TRDN: variants seen among roughly 807,000 people sequenced by gnomAD.
The protein encoded by TRDN is triadin in skeletal muscle.
In TRDN, 161 loss-of-function variants were observed where a neutral mutation model predicts 149.7. That is an observed-to-expected ratio of 1.08 (90% CI 0.95 to 1.23). The LOEUF is 1.23. TRDN is among the 50% of genes most tolerant of loss of function. The pLI is 0.00. For synonymous variants in TRDN, 294 were observed against 250.5 expected, an observed-to-expected ratio of 1.17 and a Z score of -1.64; for missense variants, 896 against 823.5, an observed-to-expected ratio of 1.09 and a Z score of -1.08.
chr6:123,240,588 A>AT (rs1366321276), intron 38 of TRDN, among the ~76,000 whole-genome samples: 4 of 151,848 alleles, frequency 2.6e-5, no homozygotes, highest in African/African-American at 9.7e-5. Flanking sequence ...AATTCAGTTT[A>AT]TTTTTTGGAA....
intron 4 of TRDN, among the ~76,000 whole-genome samples, chr6:123,533,603 G>C (rs904129572): frequency 6.6e-6 from 1 of 152,044 alleles, no homozygotes; most frequent in Admixed American, 6.6e-5. Context: ...GCTCCTCTTA[G>C]CTCTTGTGTA....
At chr6:123,332,211 T>G (rs1251258648) in intron 22 of TRDN, among the ~76,000 whole-genome samples, 1 of 152,044 alleles carries the variant, frequency 6.6e-6, no homozygotes, top group Admixed American at 6.6e-5. Flanking sequence ...AGGACCTTAT[T>G]TATGTGTAAT....
At chr6:123,502,742 A>G (rs1778751623) in intron 8 of TRDN, 1 of 984,552 alleles carries the variant, frequency 1.0e-6, no homozygotes, top group Non-Finnish European at 1.2e-6. Flanking sequence ...ATTCTTTGAT[A>G]CAGTCCTTAG....
chr6:123,445,010 G>A (rs1268061362), intron 10 of TRDN: 2 of 152,014 alleles, frequency 1.3e-5, no homozygotes, highest in East Asian at 3.9e-4. Context: ...GCCAGGCTTT[G>A]GTATCAGAAT....
intron 1 of TRDN, among the ~76,000 whole-genome samples, chr6:123,585,563 C>T (rs1022093074): frequency 1.4e-4 from 22 of 152,292 alleles, no homozygotes; most frequent in Non-Finnish European, 2.6e-4. Context: ...TCTTCAGCCG[C>T]TAAGCCAAGA....
chr6:123,255,925 G>T, intron 35 of TRDN, 23 bp from the exon 36 acceptor site: 1 of 1,235,386 alleles, frequency 8.1e-7, no homozygotes, highest in Admixed American at 4.0e-5. Flanking sequence ...AACAGTAACA[G>T]GGTAATTTAT....
chr6:123,404,504 A>G (rs1773114092), intron 12 of TRDN, among the ~76,000 whole-genome samples: 1 of 152,120 alleles, frequency 6.6e-6, no homozygotes, highest in East Asian at 1.9e-4. Context: ...GCGGGAGTGC[A>G]GTGATGAGAT....
intron 1 of TRDN, among the ~76,000 whole-genome samples, chr6:123,587,825 T>C (rs537078050): frequency 2.0e-5 from 3 of 152,020 alleles, no homozygotes; most frequent in African/African-American, 7.2e-5. Flanking sequence ...GGGGAGCTTT[T>C]GAGCCAGGAT....
At chr6:123,477,255 G>T in intron 9 of TRDN, among the ~76,000 whole-genome samples, 1 of 127,224 alleles carries the variant, frequency 7.9e-6, no homozygotes, top group Non-Finnish European at 1.7e-5. Context: ...CAAAGGACAT[G>T]AACAGACACT....
chr6:123,587,614 C>T (rs556761093), intron 1 of TRDN, among the ~76,000 whole-genome samples: 42 of 151,978 alleles, frequency 2.8e-4, no homozygotes, highest in Non-Finnish European at 3.8e-4. Context: ...ATTTCATGTG[C>T]GTCCGTGTGA....
intron 10 of TRDN, among the ~76,000 whole-genome samples, chr6:123,459,938 C>T (rs963037704): frequency 5.9e-5 from 9 of 152,138 alleles, no homozygotes; most frequent in African/African-American, 1.9e-4. Flanking sequence ...AAATCATATT[C>T]ACTACTTGTA....
intron 38 of TRDN, among the ~76,000 whole-genome samples, chr6:123,244,367 G>T (rs998248502): frequency 6.6e-6 from 1 of 152,230 alleles, no homozygotes; most frequent in East Asian, 1.9e-4. Flanking sequence ...TACAGGAGCT[G>T]CTAACTAGAA....
At chr6:123,598,365 A>C (rs895068714) in intron 1 of TRDN, among the ~76,000 whole-genome samples, 9 of 152,204 alleles carry the variant, frequency 5.9e-5, no homozygotes, top group Middle Eastern at 3.4e-3. Context: ...TATATTTTCC[A>C]CTTCCATATT....
At chr6:123,307,032 T>G (rs1778636360) in intron 24 of TRDN, among the ~76,000 whole-genome samples, 2 of 152,070 alleles carry the variant, frequency 1.3e-5, no homozygotes, top group African/African-American at 2.4e-5. Context: ...TGATTTAGCT[T>G]TGCTAAAGAG....
At chr6:123,574,486 G>T (rs1439662166) in intron 1 of TRDN, among the ~76,000 whole-genome samples, 1 of 151,872 alleles carries the variant, frequency 6.6e-6, no homozygotes, top group Non-Finnish European at 1.5e-5. Flanking sequence ...GCTTTGAAAT[G>T]CAATTTAAGA....
chr6:123,443,267 T>G (rs1199589473), intron 10 of TRDN, among the ~76,000 whole-genome samples: 2 of 148,280 alleles, frequency 1.3e-5, no homozygotes, highest in African/African-American at 2.5e-5. Flanking sequence ...CAAGTGATGA[T>G]AAAGATTAGG....
chr6:123,601,640 G>C (rs538487119), intron 1 of TRDN, among the ~76,000 whole-genome samples: 2 of 152,240 alleles, frequency 1.3e-5, no homozygotes, highest in South Asian at 4.1e-4. Flanking sequence ...GAGAGAACAT[G>C]TCAGATTTGC....
chr6:123,260,201 C>T (rs1246801635), intron 34 of TRDN, among the ~76,000 whole-genome samples: 2 of 151,992 alleles, frequency 1.3e-5, no homozygotes, highest in African/African-American at 4.8e-5. Context: ...CTACATGTTA[C>T]ATTTTTACCT....
chr6:123,499,719 A>AAAAAAAAAAAAAAAAAAATAT, intron 8 of TRDN, among the ~76,000 whole-genome samples: 24 of 47,664 alleles, frequency 5.0e-4, no homozygotes, highest in Non-Finnish European at 9.9e-4. Flanking sequence ...AAAAAAAAAA[A>AAAAAAAAAAAAAAAAAAATAT]ATATATATAT....
Sources: gnomAD v4.1 joint callset for allele counts (sites outside exome capture counted in the v4.1 genomes callset) on GRCh38, gnomAD v4.1.1 for gene constraint, MANE v1.5 for transcripts, NCBI Gene and HGNC (gene_info 2026-07-23, HGNC 2026-07-21) for gene names.